Variants in CALU observed in about 807,000 individuals in gnomAD.
CALU encodes the protein calumenin, also known as IEF SSP 9302.
CALU carries 13 observed loss-of-function variants against 37.5 expected under a neutral mutation model. The ratio of observed to expected loss-of-function variants is 0.35; its 90% CI spans 0.23 to 0.55. The LOEUF is 0.55. CALU is among the 20% of genes least tolerant of loss of function. The pLI is 0.89. For missense variants in CALU, 282 were observed against 391.7 expected (o/e 0.72, Z 2.36); for synonymous variants, 114 against 133.8 (o/e 0.85, Z 1.02).
chr7:128,750,220 CAAAAA>C (rs398006225), intron 2 of CALU, among the ~76,000 whole-genome samples: 1 of 75,098 alleles, frequency 1.3e-5, no homozygotes, highest in Non-Finnish European at 2.7e-5. Flanking sequence ...AGAGCCATCT[CAAAAA>C]AAAAAAAAAA....
At chr7:128,758,512 G>A (rs1562878095) in intron 3 of CALU, among the ~76,000 whole-genome samples, 1 of 152,194 alleles carries the variant, frequency 6.6e-6, no homozygotes, top group Non-Finnish European at 1.5e-5. Flanking sequence ...AGGCCAAACA[G>A]CTAGAAAATG....
At chr7:128,761,010 C>T (rs1489099914) in intron 5 of CALU, among the ~76,000 whole-genome samples, 3 of 152,154 alleles carry the variant, frequency 2.0e-5, no homozygotes, top group East Asian at 1.9e-4. Context: ...AAATAAATGA[C>T]GGGGAGTTGC....
chr7:128,750,070 C>CA (rs1271619530), intron 2 of CALU, among the ~76,000 whole-genome samples: 1 of 151,182 alleles, frequency 6.6e-6, no homozygotes, highest in African/African-American at 2.4e-5. Flanking sequence ...ACTAAAAATA[C>CA]AAAAAAAATT....
At chr7:128,759,695 A>G (rs1801026251) in intron 4 of CALU, 97 bp from the exon 5 acceptor site, 2 of 717,902 alleles carry the variant, frequency 2.8e-6, no homozygotes, top group African/African-American at 3.5e-5. Context: ...AAGTGTGTTT[A>G]ATGAATAATA....
chr7:128,759,886 A>G, intron 5 of CALU, 34 bp downstream of exon 5: 1 of 1,087,508 alleles, frequency 9.2e-7, no homozygotes, highest in Non-Finnish European at 1.4e-6. Context: ...TTCTTAGAAA[A>G]GCTGAGAAGC....
At chr7:128,757,358 A>AGTGTGTGTGT (rs10638444) in intron 3 of CALU, among the ~76,000 whole-genome samples, 3,344 of 146,148 alleles carry the variant, frequency 0.023, 91 homozygotes, top group African/African-American at 0.062. Context: ...TATGGCTTTG[A>AGTGTGTGTGT]GTGTGTGTGT....
chr7:128,765,466 A>G (rs1801295824), intron 5 of CALU, among the ~76,000 whole-genome samples: 1 of 152,154 alleles, frequency 6.6e-6, no homozygotes, highest in Non-Finnish European at 1.5e-5. Context: ...TATTTGTTAG[A>G]TTCATTTGCA....
At chr7:128,768,865 A>AAAAAAAAAAAAAAAAAAAAAAG (rs1182808052) in intron 6 of CALU, among the ~76,000 whole-genome samples, 198 bp from the exon 7 acceptor site, 1 of 150,902 alleles carries the variant, frequency 6.6e-6, no homozygotes, top group African/African-American at 2.4e-5. Flanking sequence ...AAAAAAAAAA[A>AAAAAAAAAAAAAAAAAAAAAAG]AAACAAGGAA....
At chr7:128,767,365 T>C (rs912331157) in intron 5 of CALU, 91 bp from the exon 6 acceptor site, 2 of 975,688 alleles carry the variant, frequency 2.0e-6, no homozygotes, top group South Asian at 2.6e-5. Context: ...TCCAAACAAA[T>C]GGATGAGGAA....
intron 2 of CALU, among the ~76,000 whole-genome samples, chr7:128,749,935 T>C (rs1182198894): frequency 6.6e-6 from 1 of 151,966 alleles, no homozygotes; most frequent in Non-Finnish European, 1.5e-5. Context: ...AGGCTGAAAA[T>C]AGAAATGCAG....
intron 3 of CALU, chr7:128,754,719 C>T: frequency 2.6e-6 from 4 of 1,547,496 alleles, no homozygotes; most frequent in Non-Finnish European, 3.5e-6. Context: ...TGGCACTTAC[C>T]TGGGTAAGGG....
intron 1 of CALU, among the ~76,000 whole-genome samples, chr7:128,746,287 A>G (rs1470408331): frequency 6.6e-6 from 1 of 151,816 alleles, no homozygotes; most frequent in African/African-American, 2.4e-5. Context: ...CCTCCTGAGT[A>G]GCTGGGACTA....
intron 1 of CALU, among the ~76,000 whole-genome samples, chr7:128,745,693 G>A (rs936052962): frequency 2.0e-5 from 3 of 152,260 alleles, no homozygotes; most frequent in Middle Eastern, 3.4e-3. Flanking sequence ...TTATAGAGCC[G>A]CTAAATCTCG....
intron 2 of CALU, among the ~76,000 whole-genome samples, chr7:128,750,543 A>C (rs1206390966): frequency 1.3e-5 from 2 of 152,194 alleles, no homozygotes; most frequent in African/African-American, 4.8e-5. Flanking sequence ...TAAGATGATA[A>C]AATCATGTTT....
chr7:128,745,504 C>G (rs1290175115), intron 1 of CALU, among the ~76,000 whole-genome samples: 1 of 151,748 alleles, frequency 6.6e-6, no homozygotes, highest in African/African-American at 2.4e-5. Flanking sequence ...ACTTGGGAGG[C>G]TGAAGTGGGA....
intron 2 of CALU, among the ~76,000 whole-genome samples, chr7:128,753,032 A>C (rs116963300): frequency 6.6e-6 from 1 of 152,236 alleles, no homozygotes; most frequent in African/African-American, 2.4e-5. Flanking sequence ...TTAACATTTT[A>C]GAGCAAGATT....
chr7:128,750,662 A>C (rs544424125), intron 2 of CALU, among the ~76,000 whole-genome samples: 2 of 152,336 alleles, frequency 1.3e-5, no homozygotes, highest in South Asian at 4.1e-4. Context: ...ATCCCACATG[A>C]AACTTTTAAA....
At position 128,769,147 on chromosome 7, in the gene CALU, G is replaced by C; in HGVS notation, c.928G>C (p.Val310Leu). Residue 310 changes from valine to leucine, a missense_variant, in exon 7 of 7, where the codon GTA (valine) becomes CTA (leucine). Transcript: ENST00000249364. ...SQATDFGEAL[V>L]RHDEF is the part of the protein sequence containing the mutation. Reference sequence around the variant, plus strand: ...GGCCACAGATTTTGGGGAGGCCTTAGTACGGCATGATGAGTTCTGAGCTAC... The same window carrying C: ...GGCCACAGATTTTGGGGAGGCCTTACTACGGCATGATGAGTTCTGAGCTAC... 1 of 1,600,824 alleles carries C rather than the reference G, an allele frequency of 6.2e-7. No individual in the cohort carries two copies. The highest frequency in any genetic ancestry group is 8.6e-7 in the Non-Finnish European group (1 of 1,167,928).
intron 3 of CALU, chr7:128,754,812 T>A: frequency 1.5e-6 from 1 of 685,824 alleles, no homozygotes; most frequent in Non-Finnish European, 2.4e-6. Context: ...AAGCTTATCT[T>A]AAATAGTTCA....
Sources: allele counts gnomAD v4.1 joint callset (sites outside exome capture counted in the v4.1 genomes callset), GRCh38; gene constraint gnomAD v4.1.1; transcripts MANE v1.5; gene names NCBI Gene and HGNC (gene_info 2026-07-23, HGNC 2026-07-21).